PABIR3: variants seen among roughly 807,000 people sequenced by gnomAD.
PABIR3 encodes PABIR family member 3.
Under a neutral mutation model 23.1 loss-of-function variants are expected in PABIR3, and 20 were observed. The ratio of observed to expected loss-of-function variants is 0.86; its 90% CI spans 0.61 to 1.26. The LOEUF (loss-of-function observed/expected upper bound fraction) is 1.26, where lower values mean the gene tolerates loss of function less well. PABIR3 is among the 50% of genes most tolerant of loss of function. PABIR3 has a pLI of 0.00. For missense variants in PABIR3, 189 were observed against 195.4 expected (o/e 0.97, Z 0.20); for synonymous variants, 69 against 68.5 (o/e 1.01, Z -0.04).
chrX:134,821,915 G>T, intron 3 of PABIR3: 1 of 758,329 alleles, frequency 1.3e-6, no homozygotes, highest in Non-Finnish European at 1.6e-6. Context: ...AGCAAACCTA[G>T]GAAAATGAAA....
intron 3 of PABIR3, among the ~76,000 whole-genome samples, chrX:134,828,010 G>GCTCTCTCTCTCTCTCT (rs1167724649): frequency 1.6e-5 from 1 of 61,297 alleles, no homozygotes; most frequent in African/African-American, 6.7e-5. Flanking sequence ...CTAGCTCAGT[G>GCTCTCTCTCTCTCTCT]CTCTCTCTCT....
chrX:134,809,491 T>G, intron 2 of PABIR3: 1 of 753,676 alleles, frequency 1.3e-6, no homozygotes, highest in Non-Finnish European at 1.6e-6. Context: ...AACTAGACTT[T>G]TAAAATGAGA....
intron 4 of PABIR3, among the ~76,000 whole-genome samples, chrX:134,840,360 AAAAAAAC>A (rs1603237538): frequency 3.6e-5 from 4 of 111,486 alleles, no homozygotes; most frequent in South Asian, 3.7e-4. Context: ...ATCAATAAAA[AAAAAAAC>A]AAAAAACAAA....
At chrX:134,813,957 C>T (rs371420866) in intron 2 of PABIR3, among the ~76,000 whole-genome samples, 1 of 108,097 alleles carries the variant, frequency 9.3e-6, no homozygotes, top group Non-Finnish European at 1.9e-5. Flanking sequence ...GAAGCCAGAA[C>T]GTTGGAATCT....
At chrX:134,843,757 CG>C (rs765954105) in intron 4 of PABIR3, among the ~76,000 whole-genome samples, 6 of 106,945 alleles carry the variant, frequency 5.6e-5, no homozygotes, top group Non-Finnish European at 1.2e-4. Context: ...TTAGTAGAGA[CG>C]GGGTTTCACC....
chrX:134,848,248 G>A (rs1301747021), intron 8 of PABIR3, among the ~76,000 whole-genome samples: 1 of 109,958 alleles, frequency 9.1e-6, no homozygotes, highest in Non-Finnish European at 1.9e-5. Context: ...AAAATAGCCG[G>A]GCATGGTGGT....
chrX:134,859,056 A>G (rs1057002656), downstream of PABIR3, among the ~76,000 whole-genome samples: 5 of 111,702 alleles, frequency 4.5e-5, no homozygotes, highest in African/African-American at 1.6e-4. Flanking sequence ...AGAGTGACCA[A>G]ACTACATTAT....
At chrX:134,822,089 T>A (rs1020833481) in intron 3 of PABIR3, 1 of 752,217 alleles carries the variant, frequency 1.3e-6, no homozygotes, top group Non-Finnish European at 1.6e-6. Flanking sequence ...CTACTTCTAC[T>A]CCCAGCCACC....
downstream of PABIR3, among the ~76,000 whole-genome samples, chrX:134,858,296 C>T (rs923517039): frequency 5.4e-5 from 6 of 111,244 alleles, no homozygotes; most frequent in African/African-American, 1.6e-4. Flanking sequence ...AAAGGGGGGA[C>T]GAGTGTAGAG....
intron 4 of PABIR3, among the ~76,000 whole-genome samples, chrX:134,840,321 TCCCCCTCTGCGAGAAAC>T (rs1419257737): frequency 1.0e-5 from 1 of 99,061 alleles, no homozygotes; most frequent in Non-Finnish European, 2.0e-5. Context: ...CCCTGCCAAA[TCCCCCTCTGCGAGAAAC>T]ACGCAAGAAT....
intron 3 of PABIR3, among the ~76,000 whole-genome samples, chrX:134,827,919 C>G (rs1291135125): frequency 9.2e-6 from 1 of 108,731 alleles, no homozygotes; most frequent in East Asian, 2.9e-4. Flanking sequence ...TTGGCTGTGA[C>G]CTAGTTTCTG....
upstream of PABIR3, chrX:134,796,428 C>A (rs1453399895): frequency 4.4e-5 from 16 of 363,039 alleles, no homozygotes; most frequent in Non-Finnish European, 6.6e-5. Flanking sequence ...GATGGTGAGG[C>A]AGGAGAGGAG....
At chrX:134,848,399 A>C (rs1407610404) in intron 8 of PABIR3, among the ~76,000 whole-genome samples, 1 of 111,173 alleles carries the variant, frequency 9.0e-6, no homozygotes, top group Non-Finnish European at 1.9e-5. Flanking sequence ...TCAAAAAAAA[A>C]AAAAAGTCAC....
At chrX:134,824,579 C>T (rs749823143) in intron 3 of PABIR3, among the ~76,000 whole-genome samples, 111 of 111,987 alleles carry the variant, frequency 9.9e-4, no homozygotes, top group Non-Finnish European at 1.6e-3. Context: ...GCGGGTGGAT[C>T]ACTTGAAGCC....
At chrX:134,848,000 A>T in intron 8 of PABIR3, 29 bp downstream of exon 8, 4 of 1,067,176 alleles carry the variant, frequency 3.7e-6, no homozygotes, top group Non-Finnish European at 5.0e-6. Context: ...AAAATACCAA[A>T]TTGCTTATAA....
chrX:134,824,997 A>G (rs909383871), intron 3 of PABIR3, among the ~76,000 whole-genome samples: 22 of 111,114 alleles, frequency 2.0e-4, no homozygotes, highest in Admixed American at 4.8e-4. Context: ...TGATGTGCCA[A>G]TGCAGGTTCA....
intron 4 of PABIR3, chrX:134,831,712 A>G (rs2081788178): frequency 8.9e-6 from 1 of 111,814 alleles, no homozygotes; most frequent in East Asian, 2.8e-4. Flanking sequence ...TGGAGTATCC[A>G]TCCCTTCAAG....
intron 4 of PABIR3, among the ~76,000 whole-genome samples, chrX:134,833,907 C>T (rs888260503): frequency 1.2e-4 from 13 of 112,030 alleles, no homozygotes; most frequent in African/African-American, 4.2e-4. Context: ...TTTCTTTATC[C>T]TGTCTATCAT....
intron 3 of PABIR3, 65 bp downstream of exon 3, chrX:134,814,914 C>G: frequency 1.2e-6 from 1 of 859,482 alleles, no homozygotes; most frequent in South Asian, 2.9e-5. Flanking sequence ...AACCAATGGT[C>G]TTCAAACTTG....
Sources: gnomAD v4.1 joint callset for allele counts (sites outside exome capture counted in the v4.1 genomes callset) on GRCh38, gnomAD v4.1.1 for gene constraint, MANE v1.5 for transcripts, NCBI Gene and HGNC (gene_info 2026-07-23, HGNC 2026-07-21) for gene names.